PTPN2: variants seen among roughly 807,000 people sequenced by gnomAD.
PTPN2 encodes protein tyrosine phosphatase non-receptor type 2.
A neutral mutation model predicts 57.3 loss-of-function variants in PTPN2; 19 were observed. That is an observed-to-expected ratio of 0.33 (90% CI 0.23 to 0.49). PTPN2 has a LOEUF of 0.49. PTPN2 is among the 20% of genes least tolerant of loss of function. PTPN2 has a pLI of 0.99. For missense variants in PTPN2, 358 were observed against 501.1 expected, an observed-to-expected ratio of 0.71 and a Z score of 2.73; for synonymous variants, 153 against 164.9, an observed-to-expected ratio of 0.93 and a Z score of 0.55.
chr18:12,802,393 T>C (rs1412412584), intron 7 of PTPN2, among the ~76,000 whole-genome samples: 1 of 152,172 alleles, frequency 6.6e-6, no homozygotes, highest in East Asian at 1.9e-4. Flanking sequence ...TAGTTGAATA[T>C]AATAATCTTA....
At chr18:12,854,433 T>C (rs1276367217) in intron 2 of PTPN2, among the ~76,000 whole-genome samples, 1 of 149,228 alleles carries the variant, frequency 6.7e-6, no homozygotes, top group Non-Finnish European at 1.5e-5. Context: ...ATTAGTGACG[T>C]GGGAAATGAA....
At chr18:12,870,621 G>A (rs1432663146) in intron 1 of PTPN2, among the ~76,000 whole-genome samples, 7 of 143,300 alleles carry the variant, frequency 4.9e-5, no homozygotes, top group Admixed American at 3.6e-4. Context: ...CCATTCTCCT[G>A]CCTCAGCCTC....
intron 2 of PTPN2, chr18:12,840,617 A>G (rs2043011977): frequency 3.0e-6 from 4 of 1,338,390 alleles, no homozygotes; most frequent in Non-Finnish European, 4.1e-6. Context: ...TATGGATCAC[A>G]CCCATCGCAC....
chr18:12,814,905 G>A (rs900991900), intron 6 of PTPN2, among the ~76,000 whole-genome samples: 2 of 151,596 alleles, frequency 1.3e-5, no homozygotes, highest in Admixed American at 6.6e-5. Context: ...CCAACATCGC[G>A]AAATGCCATC....
At chr18:12,865,828 A>G (rs2043973854) in intron 1 of PTPN2, among the ~76,000 whole-genome samples, 2 of 152,116 alleles carry the variant, frequency 1.3e-5, no homozygotes, top group South Asian at 4.1e-4. Flanking sequence ...AAAAAACCAA[A>G]AAACAAAAAA....
chr18:12,790,534 G>C (rs1471569032), downstream of PTPN2, among the ~76,000 whole-genome samples: 1 of 152,190 alleles, frequency 6.6e-6, no homozygotes, highest in Admixed American at 6.5e-5. Context: ...AGAAATGCCA[G>C]TTTCAGGCTA....
At chr18:12,788,214 C>T (rs2040890545), downstream of PTPN2, 1 of 154,248 alleles carries the variant, frequency 6.5e-6, no homozygotes, top group Admixed American at 6.6e-5. Context: ...AAAAAATGGT[C>T]TGTATAAAGA....
At chr18:12,786,477 T>C (rs2040847259) in intron 9 of PTPN2, 1 of 152,208 alleles carries the variant, frequency 6.6e-6, no homozygotes, top group South Asian at 2.1e-4. Context: ...TTATTGTATT[T>C]TAATGCCATA....
In PTPN2 at chr18:12,838,256, T is replaced by C. The variant is rs568502895; in HGVS notation, c.161-1365A>G. ...AGGCTACTCATATCTATTGCACAAC[T>C]GAAAACAGCCATTTAGCTAACATGC... is the stretch of plus-strand genomic sequence containing the variant. On this transcript the variant is annotated intron_variant, in intron 2 of 8. Transcript: ENST00000309660. Among the ~76,000 whole-genome samples, 6 of 152,234 alleles carry C rather than the reference T, an allele frequency of 3.9e-5. No homozygotes were observed. The South Asian group carries it at 1.2e-3, about 32-fold the overall frequency.
At chr18:12,851,912 G>T (rs1485078952) in intron 2 of PTPN2, among the ~76,000 whole-genome samples, 2 of 152,062 alleles carry the variant, frequency 1.3e-5, no homozygotes, top group African/African-American at 4.8e-5. Context: ...GATGAACCTT[G>T]AAGACAGTAT....
At chr18:12,835,267 C>T (rs1278359860) in intron 3 of PTPN2, among the ~76,000 whole-genome samples, 1 of 151,826 alleles carries the variant, frequency 6.6e-6, no homozygotes, top group East Asian at 1.9e-4. Flanking sequence ...TATTCCCAAG[C>T]TCCACAAATT....
intron 2 of PTPN2, among the ~76,000 whole-genome samples, chr18:12,854,488 G>A (rs903480329): frequency 2.6e-5 from 4 of 152,108 alleles, no homozygotes; most frequent in East Asian, 1.9e-4. Context: ...TGTAAATAAC[G>A]GCACCACTTA....
At chr18:12,846,132 T>C (rs2043197589) in intron 2 of PTPN2, among the ~76,000 whole-genome samples, 1 of 152,236 alleles carries the variant, frequency 6.6e-6, no homozygotes, top group African/African-American at 2.4e-5. Context: ...ATGCTAAGTA[T>C]TCACTGCATC....
At chr18:12,845,070 T>C (rs2043168672) in intron 2 of PTPN2, among the ~76,000 whole-genome samples, 1 of 152,226 alleles carries the variant, frequency 6.6e-6, no homozygotes, top group South Asian at 2.1e-4. Context: ...TGCATTAAGT[T>C]TTAAAACTAG....
chr18:12,841,231 G>A (rs1457721151), intron 2 of PTPN2, among the ~76,000 whole-genome samples: 2 of 152,136 alleles, frequency 1.3e-5, no homozygotes, highest in Non-Finnish European at 1.5e-5. Flanking sequence ...ATGGTGTAGC[G>A]GCAGGACTGG....
chr18:12,876,447 C>T (rs113992485), intron 1 of PTPN2, among the ~76,000 whole-genome samples: 13 of 151,768 alleles, frequency 8.6e-5, no homozygotes, highest in Non-Finnish European at 2.9e-5. Context: ...GCCTGGGTGA[C>T]GGAATGAGAC....
chr18:12,860,611 A>C (rs2043771217), intron 1 of PTPN2, among the ~76,000 whole-genome samples: 1 of 151,798 alleles, frequency 6.6e-6, no homozygotes, highest in Admixed American at 6.6e-5. Context: ...ACAAAACAAA[A>C]ATTAGCCAAG....
chr18:12,870,311 A>G lies in PTPN2; in HGVS notation c.70-11057T>C, dbSNP rs12958213. The stretch of plus-strand genomic sequence containing the variant: ...TATACATATATATGTGTATATATAC[A>G]TATATATGTGTATATATATGTATAT... On this transcript the variant is annotated intron_variant, in intron 1 of 8. Coordinates refer to ENST00000309660, the MANE Select transcript of PTPN2 (RefSeq NM_002828.4). 8.6e-3 allele frequency among the ~76,000 whole-genome samples: 511 copies of G among 59,598 alleles called. 55 individuals carry two copies. The East Asian group carries it at 0.089, about 10-fold the overall frequency. The allele number at this position is 59,598 out of a possible 152,430, so 39.1% of individuals were successfully genotyped here.
chr18:12,792,641 A>C lies in PTPN2; in HGVS notation c.*1637T>G, dbSNP rs1206085410. Reference sequence around the variant, plus strand: ...AGTCTCGCTCTGTCGCCCTGGCTGGAGTGCAGTGACGTGATCTCAGCTCAC... The same window carrying C: ...AGTCTCGCTCTGTCGCCCTGGCTGGCGTGCAGTGACGTGATCTCAGCTCAC... On this transcript the variant is annotated 3_prime_UTR_variant, in exon 9 of 9. Transcript: ENST00000309660. 1 of 152,614 alleles carries C rather than the reference A, an allele frequency of 6.6e-6. No homozygotes were observed. The highest frequency in any genetic ancestry group is 2.4e-5 in the African/African-American group (1 of 41,366). 9.5% of individuals were successfully genotyped at this position (152,614 alleles called of 1,614,324 possible).
Sources: gnomAD v4.1 joint callset for allele counts (sites outside exome capture counted in the v4.1 genomes callset) on GRCh38, gnomAD v4.1.1 for gene constraint, MANE v1.5 for transcripts, NCBI Gene and HGNC (gene_info 2026-07-23, HGNC 2026-07-21) for gene names.